ETS2: variants seen among roughly 807,000 people sequenced by gnomAD.
ETS2 encodes the protein ETS proto-oncogene 2, transcription factor, also known as protein C-ets-2.
ETS2 carries 19 observed loss-of-function variants against 54.9 expected under a neutral mutation model. The ratio of observed to expected loss-of-function variants is 0.35; its 90% confidence interval spans 0.24 to 0.51. The LOEUF is 0.51. ETS2 is among the 20% of genes least tolerant of loss of function. The pLI, the probability that ETS2 is intolerant of heterozygous loss-of-function variation, is 0.97. For synonymous variants in ETS2, 219 were observed against 229.3 expected, an observed-to-expected ratio of 0.95 and a Z score of 0.41; for missense variants, 417 against 593.0, an observed-to-expected ratio of 0.70 and a Z score of 3.08.
At position 38,819,655 on chromosome 21, in the gene ETS2, C is replaced by G. The variant is rs201705823; in HGVS notation, c.964C>G (p.Leu322Val). The G allele has an allele frequency of 6.2e-7, 1 of 1,614,204 alleles. No individual in the cohort carries two copies. Among genetic ancestry groups the G allele is most frequent in the Non-Finnish European group, 8.5e-7 (1 of 1,180,034 alleles). Reference sequence around the variant, plus strand: ...CTTCGAAGATGACTGCAGCCAGTCTCTCTGCCTCAATAAGCCAACCATGTC... The same window carrying G: ...CTTCGAAGATGACTGCAGCCAGTCTGTCTGCCTCAATAAGCCAACCATGTC... ...ESFEDDCSQS[L>V]CLNKPTMSFK... The change falls in exon 8 of 10, where the codon CTC becomes GTC. Residue 322 changes from leucine to valine, a missense_variant. Transcript: ENST00000360938.
intron 6 of ETS2, 127 bp from the exon 7 acceptor site, chr21:38,818,298 G>A (rs939298893): frequency 2.3e-5 from 29 of 1,273,666 alleles, no homozygotes; most frequent in African/African-American, 1.3e-4. Flanking sequence ...ACCAAAGCCC[G>A]GGTCTCCACT....
chr21:38,816,842 T>C (rs1468421446), intron 5 of ETS2, among the ~76,000 whole-genome samples, 166 bp from the exon 6 acceptor site: 2 of 152,246 alleles, frequency 1.3e-5, no homozygotes. Flanking sequence ...TCTCGTTTTT[T>C]GAAAAAGACA....
At chr21:38,812,845 G>A (rs1319307552) in intron 2 of ETS2, among the ~76,000 whole-genome samples, 158 bp from the exon 3 acceptor site, 1 of 152,158 alleles carries the variant, frequency 6.6e-6, no homozygotes, top group African/African-American at 2.4e-5. Flanking sequence ...CATTTTACGA[G>A]TCTGTTTTAA....
Position 38,821,473 on chromosome 21 carries a change from C to A in ETS2, c.1076-113C>A. The stretch of plus-strand genomic sequence containing the variant: ...CTGAGTGTAACATCGGAACCCCATT[C>A]AGAGAGTTGGGTCTGCATTCCTAAA... On this transcript the variant is annotated intron_variant, in intron 8 of 9. Coordinates refer to ENST00000360938, the MANE Select transcript of ETS2 (RefSeq NM_005239.6). The surrounding 1 kb of genome is among the most constrained non-coding windows in gnomAD (Gnocchi z 4.2). 1 of 797,364 alleles carries A rather than the reference C, an allele frequency of 1.3e-6. No individual in the cohort carries two copies. Among genetic ancestry groups the A allele is most frequent in the Non-Finnish European group, 2.2e-6 (1 of 462,924 alleles). 49.4% of individuals were successfully genotyped at this position (797,364 alleles called of 1,614,324 possible). A position where few individuals can be genotyped will look rare whatever the true frequency, so the allele number is the denominator to read the frequency against.
intron 6 of ETS2, 80 bp downstream of exon 6, chr21:38,817,171 C>G: frequency 1.1e-6 from 1 of 902,728 alleles, no homozygotes; most frequent in Non-Finnish European, 1.8e-6. Context: ...CTGTAGGCTC[C>G]TAAGGGGCCA....
rs773313067 is a variant in ETS2, at chr21:38,822,781, G to A, written c.1302G>A (p.Ser434=). 1.9e-5 allele frequency: 30 copies of A among 1,614,040 alleles called. No homozygotes were observed. The highest frequency in any genetic ancestry group is 2.5e-5 in the Non-Finnish European group (29 of 1,180,028). The change falls in exon 10 of 10, where the codon TCG becomes TCA. Residue 434 remains serine, a synonymous_variant. Coordinates refer to ENST00000360938, the MANE Select transcript of ETS2 (RefSeq NM_005239.6). Reference sequence around the variant, plus strand: ...ACAAGAACATCATCCACAAGACGTCGGGGAAGCGCTACGTGTACCGCTTCG... The same window carrying A: ...ACAAGAACATCATCCACAAGACGTCAGGGAAGCGCTACGTGTACCGCTTCG... ...YYDKNIIHKT[S]GKRYVYRFVC...
Position 38,814,121 on chromosome 21 carries a change from G to T in ETS2, c.185-152G>T, listed in dbSNP as rs1601427315. ...TATTTTCTCAATTATAGTCAGAAAA[G>T]TTTTTTGTTAATAGTTACACTGTTT... On this transcript the variant is annotated intron_variant, in intron 3 of 9. Transcript: ENST00000360938. This position sits in a 1 kb window ranked among gnomAD's most constrained non-coding sequence, Gnocchi z 4.2. 11 of 708,094 alleles carry T rather than the reference G, an allele frequency of 1.6e-5. No homozygotes were observed. In the East Asian group the frequency reaches 2.3e-4, roughly 15 times the overall value. The allele number at this position is 708,094 out of a possible 1,614,324, so 43.9% of individuals were successfully genotyped here.
chr21:38,818,112 C>T (rs537013796), intron 6 of ETS2, among the ~76,000 whole-genome samples: 1 of 152,310 alleles, frequency 6.6e-6, no homozygotes, highest in East Asian at 1.9e-4. Context: ...GAGCCTTACT[C>T]TCCTCGGAAG....
chr21:38,809,954 GATCA>G (rs1401177019), intron 1 of ETS2, 77 bp from the exon 2 acceptor site: 1 of 870,792 alleles, frequency 1.1e-6, no homozygotes, highest in Non-Finnish European at 1.8e-6. Context: ...ACTCAGCCAG[GATCA>G]AGTCTTGATG....
rs140464352 is a variant in ETS2, at chr21:38,808,210, C to T, written c.1-1825C>T. 1.1e-4 allele frequency among the ~76,000 whole-genome samples: 16 copies of T among 152,250 alleles called. No individual in the cohort carries two copies. In the East Asian group the frequency reaches 2.9e-3, roughly 28 times the overall value. ...CAGATTGTCCATGTTGCTGGGCCTC[C>T]GTTGCTTCACTGTATGACGTCTGCC... On this transcript the variant is annotated intron_variant, in intron 1 of 9. Transcript: ENST00000360938.
rs1192833025 is a variant in ETS2 at position 38,806,656 on chromosome 21, G to A, written c.-1+536G>A. The A allele has an allele frequency of 4.3e-5, 42 of 985,276 alleles. No individual in the cohort carries two copies. In the Admixed American group the frequency reaches 4.9e-4, roughly 12 times the overall value. The allele number at this position is 985,276 out of a possible 1,614,324, so 61.0% of individuals were successfully genotyped here. On this transcript the variant is annotated intron_variant, in intron 1 of 9. Coordinates refer to ENST00000360938, the MANE Select transcript of ETS2 (RefSeq NM_005239.6). This position sits in a 1 kb window ranked among gnomAD's most constrained non-coding sequence, Gnocchi z 4.3. ...GCGGCACCGCGGGAACCTGCGGGGC[G>A]CGGGGTGCCATGGTCACCTGCTCGC...
At chr21:38,813,474 A>G (rs1435606927) in intron 3 of ETS2, among the ~76,000 whole-genome samples, 2 of 152,206 alleles carry the variant, frequency 1.3e-5, no homozygotes, top group Admixed American at 6.5e-5. Context: ...CAAACTTGTA[A>G]TTTGGGTTTG....
rs749552975 is a variant in ETS2 at position 38,805,945 on chromosome 21, G to A, written c.-176G>A. 18 of 1,269,740 alleles carry A rather than the reference G, an allele frequency of 1.4e-5. No homozygotes were observed. The East Asian group carries it at 2.0e-4, about 14-fold the overall frequency. The allele number at this position is 1,269,740 out of a possible 1,614,324, so 78.7% of individuals were successfully genotyped here. On this transcript the variant is annotated 5_prime_UTR_variant, in exon 1 of 10. Transcript: ENST00000360938. This position sits in a 1 kb window ranked among gnomAD's most constrained non-coding sequence, Gnocchi z 5.2. Reference sequence around the variant, plus strand: ...GGACGGCCCGGTTACTTCCTCCAGAGACTGACGAGTGCGGTGTCGCTCCAG... The same window carrying A: ...GGACGGCCCGGTTACTTCCTCCAGAAACTGACGAGTGCGGTGTCGCTCCAG...
chr21:38,815,518 G>A (rs990127782), intron 5 of ETS2, among the ~76,000 whole-genome samples: 2 of 152,096 alleles, frequency 1.3e-5, no homozygotes, highest in Non-Finnish European at 2.9e-5. Context: ...ATATTTACAC[G>A]CTATCATATT....
intron 1 of ETS2, among the ~76,000 whole-genome samples, chr21:38,808,801 A>G (rs1446890412): frequency 6.6e-6 from 1 of 152,152 alleles, no homozygotes; most frequent in Non-Finnish European, 1.5e-5. Flanking sequence ...TCAGTTGTAA[A>G]CAGGTAAGAG....
rs2060948785 is a variant in ETS2 at position 38,819,515 on chromosome 21, A to G, written c.824A>G (p.Asp275Gly). 1 of 1,613,950 alleles carries G rather than the reference A, an allele frequency of 6.2e-7. No homozygotes were observed. Among genetic ancestry groups the G allele is most frequent in the Non-Finnish European group, 8.5e-7 (1 of 1,179,820 alleles). ...LLTNNSGTPK[D>G]HDSPENGADS... ...TTGTCTTTGCCAGGGACTCCCAAAG[A>G]CCACGACTCCCCTGAGAACGGTGCG... The change falls in exon 8 of 10, where the codon GAC (aspartate) becomes GGC (glycine). Residue 275 changes from aspartate (D) to glycine (G), a missense_variant. By Grantham distance (94) the Asp-to-Gly change is moderately conservative (BLOSUM62 -1). Transcript: ENST00000360938.
chr21:38,805,368 G>T, upstream of ETS2: 4 of 1,288,936 alleles, frequency 3.1e-6, no homozygotes, highest in Non-Finnish European at 4.0e-6. This position sits in a 1 kb window ranked among gnomAD's most constrained non-coding sequence, Gnocchi z 5.2. Flanking sequence ...TCAATTTCAG[G>T]GCCTTATTAC....
rs1301212511 is a variant in ETS2 at position 38,821,174 on chromosome 21, A to AC, written c.1076-407dup. On this transcript the variant is annotated intron_variant, in intron 8 of 9. Transcript: ENST00000360938. The surrounding 1 kb of genome is among the most constrained non-coding windows in gnomAD (Gnocchi z 4.2). ...TCTGTGATGAAACACCCCCTCAGCCACCCCCATCTCTGCCCCACTGGGTGT... is the reference window on the plus strand; with the variant it reads ...TCTGTGATGAAACACCCCCTCAGCCACCCCCCATCTCTGCCCCACTGGGTGT... Among the ~76,000 whole-genome samples the AC allele has an allele frequency of 6.6e-6, 1 of 151,804 alleles. No individual in the cohort carries two copies. The highest frequency in any genetic ancestry group is 1.5e-5 in the Non-Finnish European group (1 of 67,954).
In ETS2 at chr21:38,823,778, T is replaced by C. The variant is rs2060967929; in HGVS notation, c.*889T>C. 6.5e-6 allele frequency: 1 copy of C among 152,676 alleles called. No individual in the cohort carries two copies. Among genetic ancestry groups the C allele is most frequent in the Non-Finnish European group, 1.5e-5 (1 of 68,042 alleles). 9.5% of individuals were successfully genotyped at this position (152,676 alleles called of 1,614,324 possible). A position where few individuals can be genotyped will look rare whatever the true frequency, so the allele number is the denominator to read the frequency against. ...TCCTTTAATTGTAAAGTAAAAGCTATAAAGCAGTATTTTTCTTGACAAATG... is the reference window on the plus strand; with the variant it reads ...TCCTTTAATTGTAAAGTAAAAGCTACAAAGCAGTATTTTTCTTGACAAATG... On this transcript the variant is annotated 3_prime_UTR_variant, in exon 10 of 10. Transcript: ENST00000360938.
Sources: allele counts gnomAD v4.1 joint callset (sites outside exome capture counted in the v4.1 genomes callset), GRCh38; gene constraint gnomAD v4.1.1; non-coding constraint Gnocchi (gnomAD v3.1); transcripts MANE v1.5; gene names NCBI Gene and HGNC (gene_info 2026-07-23, HGNC 2026-07-21).